SYCP1: variants seen among roughly 807,000 people sequenced by gnomAD.
SYCP1 encodes the protein cancer/testis antigen 8.
A neutral mutation model predicts 153.1 loss-of-function variants in SYCP1; 64 were observed. The observed-to-expected ratio is 0.42, with a 90% CI of 0.34 to 0.51. The LOEUF (loss-of-function observed/expected upper bound fraction) is 0.51. Among genes scored for constraint, SYCP1 ranks in the 20% least tolerant of loss-of-function variants. The pLI is 0.06. For synonymous variants in SYCP1, 384 were observed against 341.8 expected, an observed-to-expected ratio of 1.12 and a Z score of -1.36; for missense variants, 997 against 1,049.0, an observed-to-expected ratio of 0.95 and a Z score of 0.68.
intron 9 of SYCP1, among the ~76,000 whole-genome samples, chr1:114,875,677 A>T (rs1417894804): frequency 6.6e-6 from 1 of 152,182 alleles, no homozygotes; most frequent in Non-Finnish European, 1.5e-5. Flanking sequence ...TGCCGAATGA[A>T]CACATGCTGC....
At position 114,944,368 on chromosome 1, in the gene SYCP1, T is replaced by C; in HGVS notation, c.1956T>C (p.Ser652=). The C allele has an allele frequency of 1.2e-6, 2 of 1,605,666 alleles. No individual in the cohort carries two copies. The highest frequency in any genetic ancestry group is 1.1e-5 in the South Asian group (1 of 89,694). Reference sequence around the variant, plus strand: ...ATAAATTAGAGTTAGAACTAGAAAGTGCCAAACAGAAATTTGGAGAAATCA... The same window carrying C: ...ATAAATTAGAGTTAGAACTAGAAAGCGCCAAACAGAAATTTGGAGAAATCA... ...KVNKLELELE[S]AKQKFGEITD... is the part of the protein sequence containing the mutation. Residue 652 remains serine (S), a synonymous_variant, in exon 24 of 32, where the codon AGT becomes AGC. Transcript: ENST00000369522.
At chr1:114,892,908 G>T (rs1467299728) in intron 15 of SYCP1, among the ~76,000 whole-genome samples, 8 of 151,966 alleles carry the variant, frequency 5.3e-5, no homozygotes, top group Admixed American at 3.9e-4. Context: ...ATGGTACGGG[G>T]CTATAGCTGC....
rs1174716918 is a variant in SYCP1, at chr1:114,947,811, C to CAA, written c.2322+521_2322+522dup. Among the ~76,000 whole-genome samples the CAA allele has an allele frequency of 9.5e-3, 416 of 43,868 alleles. 14 individuals carry two copies. Among genetic ancestry groups the CAA allele is most frequent in the Middle Eastern group, 0.042 (1 of 24 alleles). 28.8% of individuals were successfully genotyped at this position (43,868 alleles called of 152,430 possible). A position where few individuals can be genotyped will look rare whatever the true frequency, so the allele number is the denominator to read the frequency against. ...TGGGAGACAGAGCGAGACTCCGTCT[C>CAA]AAAAAAAAAAAAAAAAAAAAAAAAA... On this transcript the variant is annotated intron_variant, in intron 27 of 31. Coordinates refer to ENST00000369522, the MANE Select transcript of SYCP1 (RefSeq NM_003176.4).
intron 27 of SYCP1, among the ~76,000 whole-genome samples, chr1:114,969,199 T>A (rs969395444): frequency 5.3e-5 from 8 of 152,164 alleles, no homozygotes; most frequent in Admixed American, 2.0e-4. Context: ...TTAGCAGAAC[T>A]CGAGCACTGT....
chr1:114,944,108 G>T (rs1392316788), intron 23 of SYCP1, among the ~76,000 whole-genome samples: 1 of 151,470 alleles, frequency 6.6e-6, no homozygotes, highest in Non-Finnish European at 1.5e-5. Context: ...TAAATGCATG[G>T]GTGTTTATTT....
At chr1:114,941,222 A>G (rs1670366222) in intron 23 of SYCP1, among the ~76,000 whole-genome samples, 2 of 152,182 alleles carry the variant, frequency 1.3e-5, no homozygotes, top group Admixed American at 6.6e-5. Flanking sequence ...CCACATATAA[A>G]TGGATGCAGT....
At chr1:114,953,652 A>C (rs1488029686) in intron 27 of SYCP1, among the ~76,000 whole-genome samples, 2 of 152,214 alleles carry the variant, frequency 1.3e-5, no homozygotes, top group African/African-American at 4.8e-5. Flanking sequence ...ATTCTGTTCC[A>C]TTGATCTATG....
chr1:114,938,937 G>A (rs1670210110), intron 23 of SYCP1, among the ~76,000 whole-genome samples: 1 of 152,096 alleles, frequency 6.6e-6, no homozygotes, highest in Admixed American at 6.6e-5. Flanking sequence ...GGAGAAATTG[G>A]AATTCTCGAG....
intron 23 of SYCP1, among the ~76,000 whole-genome samples, chr1:114,927,395 TA>T (rs147462235): frequency 6.6e-6 from 1 of 151,862 alleles, no homozygotes; most frequent in Non-Finnish European, 1.5e-5. Flanking sequence ...AATCAGTCAA[TA>T]AAAAATAACA....
chr1:114,897,526 CT>C (rs1046333923), intron 16 of SYCP1, among the ~76,000 whole-genome samples: 1 of 152,152 alleles, frequency 6.6e-6, no homozygotes, highest in African/African-American at 2.4e-5. Context: ...TTCCCTTCCC[CT>C]GAGCCCAATC....
chr1:114,893,055 A>T (rs1247482375), intron 15 of SYCP1, among the ~76,000 whole-genome samples: 1 of 152,128 alleles, frequency 6.6e-6, no homozygotes, highest in African/African-American at 2.4e-5. Context: ...TTCCTGACAC[A>T]TCTCTTTTGA....
intron 15 of SYCP1, among the ~76,000 whole-genome samples, chr1:114,893,774 G>A (rs912598031): frequency 2.6e-5 from 4 of 152,042 alleles, no homozygotes; most frequent in East Asian, 1.9e-4. Context: ...GTGGGGAAAG[G>A]TGGGCATAGC....
chr1:114,901,892 G>A (rs12139020), intron 16 of SYCP1, among the ~76,000 whole-genome samples: 24,798 of 152,262 alleles, frequency 0.16, 2,430 homozygotes, highest in Non-Finnish European at 0.21. Context: ...GCTGGGCTGT[G>A]TTAACTGCTG....
rs150053158 is a variant in SYCP1 at position 114,979,748 on chromosome 1, C to A, written c.2383-1588C>A. ...GAAATGACAGATCACTAGAATTACG[C>A]AGGAAAGATATAAGCCATCTCATTT... is the stretch of plus-strand genomic sequence containing the variant. On this transcript the variant is annotated intron_variant, in intron 28 of 31. Coordinates refer to ENST00000369522, the MANE Select transcript of SYCP1 (RefSeq NM_003176.4). Among the ~76,000 whole-genome samples the A allele has an allele frequency of 7.0e-4, 106 of 151,834 alleles. 1 individual carries two copies. Among genetic ancestry groups the A allele is most frequent in the African/African-American group, 2.4e-3 (100 of 41,502 alleles).
At chr1:114,894,102 A>AT (rs1666907865) in intron 15 of SYCP1, among the ~76,000 whole-genome samples, 2 of 152,054 alleles carry the variant, frequency 1.3e-5, no homozygotes, top group South Asian at 4.2e-4. Context: ...GTGAGAGAAC[A>AT]TATAGAGACA....
intron 27 of SYCP1, among the ~76,000 whole-genome samples, chr1:114,957,040 G>A (rs114470760): frequency 0.012 from 1,823 of 146,602 alleles, 17 homozygotes; most frequent in Non-Finnish European, 0.017. Context: ...AATTAGAAAT[G>A]GCCAGGTTTT....
chr1:114,855,434 G>T lies in SYCP1; in HGVS notation c.-24-7G>T. ...TTCCTTCCCCTCCCGCCCCCCCGGG[G>T]CAGTAGATATTTACAACCGTAACAG... is the stretch of plus-strand genomic sequence containing the variant. On this transcript the variant is annotated splice_region_variant and splice_polypyrimidine_tract_variant and intron_variant, in intron 1 of 31. Coordinates refer to ENST00000369522, the MANE Select transcript of SYCP1 (RefSeq NM_003176.4). 2 of 1,576,292 alleles carry T rather than the reference G, an allele frequency of 1.3e-6. No individual in the cohort carries two copies. Among genetic ancestry groups the T allele is most frequent in the Non-Finnish European group, 1.7e-6 (2 of 1,152,400 alleles).
At chr1:114,970,183 C>G (rs1490453096) in intron 27 of SYCP1, among the ~76,000 whole-genome samples, 1 of 152,026 alleles carries the variant, frequency 6.6e-6, no homozygotes, top group African/African-American at 2.4e-5. Flanking sequence ...AAGTCTTTTC[C>G]TTTACTTGTT....
intron 2 of SYCP1, among the ~76,000 whole-genome samples, chr1:114,856,107 T>C (rs1570636575): frequency 6.6e-6 from 1 of 152,314 alleles, no homozygotes; most frequent in Non-Finnish European, 1.5e-5. Flanking sequence ...ATTAAAAAAA[T>C]TTATCATGTG....
Sources: gnomAD v4.1 joint callset for allele counts (sites outside exome capture counted in the v4.1 genomes callset) on GRCh38, gnomAD v4.1.1 for gene constraint, MANE v1.5 for transcripts, NCBI Gene and HGNC (gene_info 2026-07-23, HGNC 2026-07-21) for gene names.